REXO2: variants seen among roughly 807,000 people sequenced by gnomAD.
The protein encoded by REXO2 is oligoribonuclease, mitochondrial.
REXO2 carries 17 observed loss-of-function variants against 30.9 expected under a neutral mutation model. The observed-to-expected ratio is 0.55, with a 90% CI of 0.38 to 0.82. The LOEUF (loss-of-function observed/expected upper bound fraction) is 0.82, where lower values mean the gene tolerates loss of function less well. Among genes scored for constraint, REXO2 ranks in the 40% least tolerant of loss-of-function variants. REXO2 has a pLI of 0.00. For synonymous variants in REXO2, 105 were observed against 99.6 expected (o/e 1.05, Z -0.32); for missense variants, 253 against 293.2 (o/e 0.86, Z 1.00).
At chr11:114,442,255 A>G (rs1946484025) in intron 2 of REXO2, among the ~76,000 whole-genome samples, 1 of 152,108 alleles carries the variant, frequency 6.6e-6, no homozygotes, top group African/African-American at 2.4e-5. Flanking sequence ...GTAGAAGAGC[A>G]GGCATCCTAC....
chr11:114,444,183 A>G (rs779998459), intron 3 of REXO2: 2 of 619,482 alleles, frequency 3.2e-6, no homozygotes, highest in Non-Finnish European at 3.0e-6. Flanking sequence ...TGGATTGTCA[A>G]GTATTACTCA....
At position 114,445,793 on chromosome 11, in the gene REXO2, A is replaced by T. The variant is rs1442674304; in HGVS notation, c.422-186A>T. The T allele has an allele frequency of 5.5e-6, 3 of 545,762 alleles. No homozygotes were observed. In the South Asian group the frequency reaches 6.7e-5, roughly 12 times the overall value. 33.8% of individuals were successfully genotyped at this position (545,762 alleles called of 1,614,324 possible). On this transcript the variant is annotated intron_variant, in intron 4 of 6. Coordinates refer to ENST00000265881, the MANE Select transcript of REXO2 (RefSeq NM_015523.4). The stretch of plus-strand genomic sequence containing the variant: ...TTATAAGGAGCTAAACTGACTAAGT[A>T]CTTGGAAATCTGTACTTGTAAGCTA...
At chr11:114,443,968 G>C in intron 3 of REXO2, 35 bp downstream of exon 3, 1 of 1,482,894 alleles carries the variant, frequency 6.7e-7, no homozygotes, top group Non-Finnish European at 9.3e-7. Flanking sequence ...GCTGCTTTGG[G>C]GATCAGTAGC....
rs779053837 is a variant in REXO2, at chr11:114,444,521, C to A, written c.310-20C>A. 1.9e-6 allele frequency: 3 copies of A among 1,556,258 alleles called. No individual in the cohort carries two copies. Among genetic ancestry groups the A allele is most frequent in the Non-Finnish European group, 2.6e-6 (3 of 1,133,616 alleles). On this transcript the variant is annotated intron_variant, in intron 3 of 6. Transcript: ENST00000265881. ...CTTTACATGTGTTTTTGGTGGGGGG[C>A]TGGGGATTCTCTCTTGCAGTCTGGC...
intron 2 of REXO2, chr11:114,441,874 T>C (rs1946480904): frequency 1.6e-6 from 1 of 642,156 alleles, no homozygotes; most frequent in East Asian, 2.7e-5. Context: ...CTTTTTTAAC[T>C]TTGTATAAAT....
At chr11:114,448,912 A>G (rs1055535576) in intron 6 of REXO2, 23 of 152,274 alleles carry the variant, frequency 1.5e-4, no homozygotes, top group African/African-American at 5.5e-4. Flanking sequence ...GCCAGAGGCT[A>G]TAATTTTGGC....
rs1344489665 is a variant in REXO2 at position 114,446,352 on chromosome 11, T to C, written c.530+265T>C. 6 of 278,776 alleles carry C rather than the reference T, an allele frequency of 2.2e-5. 1 individual carries two copies. Among genetic ancestry groups the C allele is most frequent in the Non-Finnish European group, 4.0e-5 (6 of 149,976 alleles). 17.3% of individuals were successfully genotyped at this position (278,776 alleles called of 1,614,324 possible). On this transcript the variant is annotated intron_variant, in intron 5 of 6. Transcript: ENST00000265881. ...ATACATTTTCTGGATTAACTAATAT[T>C]ATGTGGAAGTCTTGTGACTGGGAAC...
intron 5 of REXO2, among the ~76,000 whole-genome samples, chr11:114,447,245 C>T (rs1169434330): frequency 2.0e-5 from 3 of 152,152 alleles, no homozygotes; most frequent in Non-Finnish European, 4.4e-5. Context: ...GCTTTTCTGC[C>T]ATCTTGGGGA....
chr11:114,443,776 T>C (rs762762984), intron 2 of REXO2, 80 bp from the exon 3 acceptor site: 6 of 1,039,130 alleles, frequency 5.8e-6, no homozygotes, highest in Non-Finnish European at 8.7e-6. Context: ...ATTTAGTCCT[T>C]AAAACAGCTT....
chr11:114,439,819 C>A (rs1488494211), intron 1 of REXO2, 144 bp downstream of exon 1: 2 of 1,000,834 alleles, frequency 2.0e-6, no homozygotes, highest in Non-Finnish European at 2.8e-6. Context: ...CGGTGCAGGG[C>A]AAGTCCGGAG....
At chr11:114,441,666 G>A in intron 2 of REXO2, 2 of 697,950 alleles carry the variant, frequency 2.9e-6, no homozygotes, top group South Asian at 1.5e-5. Context: ...AGTTCCTAGA[G>A]GGTAGCATTG....
At chr11:114,447,680 G>A (rs1946517922) in intron 5 of REXO2, 146 bp from the exon 6 acceptor site, 1 of 594,242 alleles carries the variant, frequency 1.7e-6, no homozygotes, top group Non-Finnish European at 2.9e-6. Flanking sequence ...AGAGGAGAGG[G>A]TAGAAGATAG....
chr11:114,444,618 A>G lies in REXO2; in HGVS notation c.387A>G (p.Arg129=), dbSNP rs546502403. The G allele has an allele frequency of 4.4e-6, 7 of 1,608,250 alleles. No homozygotes were observed. Among genetic ancestry groups the G allele is most frequent in the South Asian group, 2.2e-5 (2 of 89,862 alleles). The change falls in exon 4 of 7, where the codon CGA becomes CGG. Residue 129 remains arginine (R), a synonymous_variant. Transcript: ENST00000265881. ...AGTATGAATTTCTGTCCTTTGTACG[A>G]CAGCAGACTCCTCCAGGGCTCTGTC... is the stretch of plus-strand genomic sequence containing the variant. ...QAEYEFLSFV[R]QQTPPGLCPL... is the part of the protein sequence containing the mutation.
Position 114,444,687 on chromosome 11 carries a change from C to A in REXO2, c.421+35C>A, listed in dbSNP as rs780856297. ...AATCCTGTGTATATCTTATAGTCTT[C>A]CATATGTAGTGGTTCAAGAGACTGC... On this transcript the variant is annotated intron_variant, in intron 4 of 6. Coordinates refer to ENST00000265881, the MANE Select transcript of REXO2 (RefSeq NM_015523.4). 26 of 1,366,502 alleles carry A rather than the reference C, an allele frequency of 1.9e-5. 1 individual carries two copies. The highest frequency in any genetic ancestry group is 2.0e-6 in the Non-Finnish European group (2 of 1,007,456). 84.6% of individuals were successfully genotyped at this position (1,366,502 alleles called of 1,614,324 possible).
At chr11:114,440,799 A>T in intron 2 of REXO2, 60 bp downstream of exon 2, 1 of 1,258,292 alleles carries the variant, frequency 7.9e-7, no homozygotes, top group South Asian at 1.2e-5. Flanking sequence ...TATAACCATC[A>T]TTTTTTCCAG....
intron 6 of REXO2, among the ~76,000 whole-genome samples, chr11:114,448,349 G>C (rs1946524366): frequency 6.6e-6 from 1 of 152,172 alleles, no homozygotes; most frequent in Admixed American, 6.5e-5. Flanking sequence ...CATGTGTCCT[G>C]TACTGGTTCT....
At chr11:114,439,829 G>T in intron 1 of REXO2, 154 bp downstream of exon 1, 1 of 882,924 alleles carries the variant, frequency 1.1e-6, no homozygotes, top group South Asian at 1.8e-5. Context: ...CAAGTCCGGA[G>T]GCAGGAGTCC....
intron 4 of REXO2, 91 bp from the exon 5 acceptor site, chr11:114,445,888 C>T: frequency 1.3e-6 from 1 of 752,210 alleles, no homozygotes; most frequent in South Asian, 1.6e-5. Context: ...TTTAAAAAAT[C>T]ATCTCCATTT....
chr11:114,447,213 A>G (rs1320254110), intron 5 of REXO2, among the ~76,000 whole-genome samples: 1 of 152,146 alleles, frequency 6.6e-6, no homozygotes, highest in African/African-American at 2.4e-5. Context: ...GGCGTGAGCC[A>G]CCGCGCCCGG....
Sources: gnomAD v4.1 joint callset for allele counts (sites outside exome capture counted in the v4.1 genomes callset) on GRCh38, gnomAD v4.1.1 for gene constraint, MANE v1.5 for transcripts, NCBI Gene and HGNC (gene_info 2026-07-23, HGNC 2026-07-21) for gene names.